The following TOX2 variants were observed in gnomAD, a reference collection of about 807,000 sequenced individuals.
TOX2 encodes granulosa cell HMG box 1.
A neutral mutation model predicts 47.4 loss-of-function variants in TOX2; 15 were observed. The ratio of observed to expected loss-of-function variants is 0.32; its 90% CI spans 0.21 to 0.49. TOX2 has a LOEUF of 0.49. Ranked by LOEUF, TOX2 falls within the 20% of genes least tolerant of loss-of-function variation. The pLI, the probability that TOX2 is intolerant of heterozygous loss-of-function variation, is 0.99. For missense variants in TOX2, 622 were observed against 673.1 expected, an observed-to-expected ratio of 0.92 and a Z score of 0.84; for synonymous variants, 290 against 296.6, an observed-to-expected ratio of 0.98 and a Z score of 0.23.
chr20:44,006,712 C>G lies in TOX2; in HGVS notation c.331C>G (p.Gln111Glu). 6.2e-7 allele frequency: 1 copy of G among 1,614,122 alleles called. No homozygotes were observed. Among genetic ancestry groups the G allele is most frequent in the Non-Finnish European group, 8.5e-7 (1 of 1,180,036 alleles). ...CGGTCTGCTCCCTGCCTACTCCTAT[C>G]AGGCCATGGACCTCCCAGCCATCAT... ...PNGLLPAYSY[Q>E]AMDLPAIMVS... is the part of the protein sequence containing the mutation. Residue 111 changes from glutamine (Q) to glutamate (E), a missense_variant, in exon 3 of 9, where the codon CAG (glutamine) becomes GAG (glutamate). Gln to Glu is a conservative substitution (Grantham distance 29). Around this residue, in one of 3 missense-constraint regions of TOX2, gnomAD observed 307 missense variants for 327.3 expected, o/e 0.94. Coordinates refer to ENST00000341197, the MANE Select transcript of TOX2 (RefSeq NM_001098797.2).
intron 4 of TOX2, among the ~76,000 whole-genome samples, chr20:44,054,061 G>T (rs1335962592): frequency 1.3e-5 from 2 of 152,102 alleles, no homozygotes; most frequent in Non-Finnish European, 2.9e-5. Context: ...TATACAGTCC[G>T]TCTTCTCCTC....
intron 3 of TOX2, among the ~76,000 whole-genome samples, chr20:44,032,592 T>C (rs2071174023): frequency 6.6e-6 from 1 of 152,078 alleles, no homozygotes; most frequent in African/African-American, 2.4e-5. Context: ...TGAGTTGTTA[T>C]AGGGGCTTGT....
At chr20:43,955,238 C>A in intron 1 of TOX2, 1 of 985,462 alleles carries the variant, frequency 1.0e-6, no homozygotes, top group East Asian at 1.1e-4. Context: ...TCTGAAACTG[C>A]ACGAGTTCTG....
chr20:44,044,219 T>C (rs1319509850), intron 3 of TOX2, among the ~76,000 whole-genome samples: 5 of 152,040 alleles, frequency 3.3e-5, no homozygotes, highest in African/African-American at 7.3e-5. Context: ...TAGGTGGGAA[T>C]TGAACAATGA....
At chr20:43,935,740 A>C (rs2069318564) in intron 1 of TOX2, among the ~76,000 whole-genome samples, 1 of 152,012 alleles carries the variant, frequency 6.6e-6, no homozygotes, top group African/African-American at 2.4e-5. Context: ...AGCCTGGACA[A>C]CATGGTGAAA....
chr20:43,921,420 AGTTATTTAACCTCCCTG>A (rs1408209580), intron 1 of TOX2, among the ~76,000 whole-genome samples: 1 of 152,192 alleles, frequency 6.6e-6, no homozygotes, highest in East Asian at 1.9e-4. Context: ...AGGGCAGGCA[AGTTATTTAACCTCCCTG>A]GACTCAGTCT....
chr20:44,035,279 T>G (rs1457166372), intron 3 of TOX2, among the ~76,000 whole-genome samples: 2 of 152,236 alleles, frequency 1.3e-5, no homozygotes, highest in Non-Finnish European at 2.9e-5. Flanking sequence ...CTCTCAGGCC[T>G]TTTGCTGTCC....
At chr20:44,010,113 G>A (rs546386447) in intron 3 of TOX2, among the ~76,000 whole-genome samples, 1 of 152,182 alleles carries the variant, frequency 6.6e-6, no homozygotes, top group East Asian at 1.9e-4. Flanking sequence ...TAATAAAAAC[G>A]AATTTGACTG....
At chr20:44,006,888 C>T in intron 3 of TOX2, 96 bp downstream of exon 3, 2 of 1,469,270 alleles carry the variant, frequency 1.4e-6, no homozygotes, top group Non-Finnish European at 1.8e-6. Flanking sequence ...TAAGAACTCT[C>T]TGCTCATGGG....
chr20:44,068,919 C>T lies in TOX2; in HGVS notation c.*233C>T. 1.5e-6 allele frequency: 1 copy of T among 684,420 alleles called. No homozygotes were observed. The allele number at this position is 684,420 out of a possible 1,614,324, so 42.4% of individuals were successfully genotyped here. On this transcript the variant is annotated 3_prime_UTR_variant, in exon 9 of 9. Transcript: ENST00000341197. ...CTGCAGGAACCTTCCGCCCGCTGAC[C>T]TGCTTGCTCCAGGGTAACTGTGGAC... is the stretch of plus-strand genomic sequence containing the variant.
In TOX2 at chr20:44,001,729, G is replaced by T. The variant is rs2070586512; in HGVS notation, c.166-4818G>T. ...AGCACCTATTTTAACAGTGCTGAGG[G>T]ACAGGGAGGGAGGTGTCGGTCAAAA... On this transcript the variant is annotated intron_variant, in intron 2 of 8. Transcript: ENST00000341197. Among the ~76,000 whole-genome samples the T allele has an allele frequency of 5.9e-5, 9 of 151,890 alleles. No individual in the cohort carries two copies. In the South Asian group the frequency reaches 1.9e-3, roughly 32 times the overall value.
rs192808652 is a variant in TOX2, at chr20:43,930,772, A to G, written c.99+15782A>G. Among the ~76,000 whole-genome samples the G allele has an allele frequency of 1.1e-4, 16 of 152,250 alleles. No individual in the cohort carries two copies. The East Asian group carries it at 2.9e-3, about 28-fold the overall frequency. On this transcript the variant is annotated intron_variant, in intron 1 of 8. Transcript: ENST00000341197. ...AAAAAAATTAAACTGTAAATTATGA[A>G]CACTATGTTACCTGCCAAAAAGTTT...
intron 2 of TOX2, among the ~76,000 whole-genome samples, chr20:43,988,958 C>T (rs886998118): frequency 5.3e-5 from 8 of 152,302 alleles, no homozygotes; most frequent in African/African-American, 1.4e-4. Context: ...AGTCTCTCTT[C>T]TCAGAGGTCA....
intron 3 of TOX2, among the ~76,000 whole-genome samples, chr20:44,050,689 T>TA (rs2071493346): frequency 6.6e-6 from 1 of 152,228 alleles, no homozygotes; most frequent in African/African-American, 2.4e-5. Context: ...TACTCAACTT[T>TA]ATCAAGAAAT....
intron 1 of TOX2, among the ~76,000 whole-genome samples, chr20:43,972,623 G>C (rs1356940818): frequency 2.6e-5 from 4 of 152,240 alleles, no homozygotes; most frequent in Non-Finnish European, 5.9e-5. Context: ...CCATTTAACA[G>C]ATGAGGAATC....
At position 44,009,685 on chromosome 20, in the gene TOX2, T is replaced by C. The variant is rs531570267; in HGVS notation, c.411+2893T>C. Among the ~76,000 whole-genome samples, 25 of 152,326 alleles carry C rather than the reference T, an allele frequency of 1.6e-4. No individual in the cohort carries two copies. The South Asian group carries it at 5.0e-3, about 30-fold the overall frequency. ...ACACTAGGCATAAATGGGTTTCCAG[T>C]TCGTTAGAATGCTTGTACCGTACTT... On this transcript the variant is annotated intron_variant, in intron 3 of 8. Coordinates refer to ENST00000341197, the MANE Select transcript of TOX2 (RefSeq NM_001098797.2).
At chr20:43,969,054 C>T (rs1354516008) in intron 1 of TOX2, among the ~76,000 whole-genome samples, 2 of 152,202 alleles carry the variant, frequency 1.3e-5, no homozygotes, top group Non-Finnish European at 2.9e-5. Flanking sequence ...GCTGCAGATG[C>T]ATGGAATGTT....
At chr20:43,969,768 C>T (rs1477290814) in intron 1 of TOX2, among the ~76,000 whole-genome samples, 7 of 152,244 alleles carry the variant, frequency 4.6e-5, no homozygotes, top group African/African-American at 1.4e-4. Context: ...GACTCAGGCC[C>T]TGCCTCGGGA....
chr20:43,937,643 G>A (rs917267038), intron 1 of TOX2, among the ~76,000 whole-genome samples: 1 of 152,012 alleles, frequency 6.6e-6, no homozygotes, highest in African/African-American at 2.4e-5. Context: ...GGAATGACTT[G>A]GGGACCCTCC....
Sources: gnomAD v4.1 joint callset for allele counts (sites outside exome capture counted in the v4.1 genomes callset) on GRCh38, gnomAD v4.1.1 for gene constraint, gnomAD v4.1.1 regional missense constraint, MANE v1.5 for transcripts, NCBI Gene and HGNC (gene_info 2026-07-23, HGNC 2026-07-21) for gene names.